Variants in IMMP2L observed in about 807,000 individuals in gnomAD.
The protein encoded by IMMP2L is mitochondrial inner membrane protease subunit 2.
A neutral mutation model predicts 19.3 loss-of-function variants in IMMP2L; 18 were observed. That is an observed-to-expected ratio of 0.93 (90% CI 0.64 to 1.38). IMMP2L has a LOEUF of 1.38. IMMP2L is among the 40% of genes most tolerant of loss of function. The pLI, the probability that IMMP2L is intolerant of heterozygous loss-of-function variation, is 0.00. For synonymous variants in IMMP2L, 76 were observed against 73.0 expected, an observed-to-expected ratio of 1.04 and a Z score of -0.21; for missense variants, 233 against 218.2, an observed-to-expected ratio of 1.07 and a Z score of -0.43.
chr7:111,182,526 T>C (rs1807819132), intron 3 of IMMP2L, among the ~76,000 whole-genome samples: 1 of 151,850 alleles, frequency 6.6e-6, no homozygotes, highest in South Asian at 2.1e-4. Flanking sequence ...TCTCAGTTTA[T>C]TTATCAACTG....
chr7:110,767,035 G>A (rs757446401), intron 5 of IMMP2L, among the ~76,000 whole-genome samples: 15 of 152,088 alleles, frequency 9.9e-5, no homozygotes, highest in South Asian at 6.2e-4. Flanking sequence ...TAATGATTAC[G>A]TGGAAGCATT....
At chr7:110,736,276 ACACC>A (rs1796629662) in intron 5 of IMMP2L, among the ~76,000 whole-genome samples, 1 of 152,190 alleles carries the variant, frequency 6.6e-6, no homozygotes, top group South Asian at 2.1e-4. Flanking sequence ...TAGTAAGGTA[ACACC>A]CAGCAGATCC....
intron 5 of IMMP2L, among the ~76,000 whole-genome samples, chr7:110,706,101 A>T (rs1185375878): frequency 1.3e-5 from 2 of 152,044 alleles, no homozygotes; most frequent in Non-Finnish European, 1.5e-5. Context: ...TACTGGGTCA[A>T]ATGGTAGTAC....
chr7:110,952,424 G>GGGTT, intron 4 of IMMP2L, among the ~76,000 whole-genome samples: 1 of 152,206 alleles, frequency 6.6e-6, no homozygotes, highest in African/African-American at 2.4e-5. Flanking sequence ...GGGCATAAGT[G>GGGTT]GGTTAATACA....
chr7:111,210,806 G>C (rs1811228200), intron 3 of IMMP2L, among the ~76,000 whole-genome samples: 1 of 152,040 alleles, frequency 6.6e-6, no homozygotes, highest in Admixed American at 6.6e-5. Flanking sequence ...CTTTTTCTGA[G>C]AGTGAGAACT....
intron 4 of IMMP2L, among the ~76,000 whole-genome samples, chr7:110,896,142 C>A (rs1344685946): frequency 1.3e-5 from 2 of 151,998 alleles, no homozygotes; most frequent in African/African-American, 4.8e-5. Context: ...AAAGTAATGA[C>A]AAAAACCACA....
At chr7:111,264,717 G>A (rs957959027) in intron 3 of IMMP2L, among the ~76,000 whole-genome samples, 1 of 150,998 alleles carries the variant, frequency 6.6e-6, no homozygotes, top group Non-Finnish European at 1.5e-5. Context: ...CTACCTTAAT[G>A]CCAGGGATAC....
At chr7:111,339,114 T>C (rs1167260012) in intron 3 of IMMP2L, among the ~76,000 whole-genome samples, 1 of 152,108 alleles carries the variant, frequency 6.6e-6, no homozygotes, top group Non-Finnish European at 1.5e-5. Flanking sequence ...GTTATTACTT[T>C]CAGGAAACAG....
At chr7:111,225,801 C>T (rs1219171915) in intron 3 of IMMP2L, among the ~76,000 whole-genome samples, 1 of 151,212 alleles carries the variant, frequency 6.6e-6, no homozygotes, top group Non-Finnish European at 1.5e-5. Context: ...CATTACAATA[C>T]ATATTCTGAC....
At chr7:111,402,545 T>G (rs973045489) in intron 3 of IMMP2L, among the ~76,000 whole-genome samples, 1 of 151,952 alleles carries the variant, frequency 6.6e-6, no homozygotes, top group African/African-American at 2.4e-5. Flanking sequence ...ACCCCGTCTC[T>G]AATAAAAATA....
chr7:110,938,199 CAAT>C (rs1816330645), intron 4 of IMMP2L, among the ~76,000 whole-genome samples: 1 of 152,060 alleles, frequency 6.6e-6, no homozygotes, highest in South Asian at 2.1e-4. Flanking sequence ...TCAGGGTTAT[CAAT>C]AAATGATTCA....
chr7:110,733,297 C>A (rs1469928373), intron 5 of IMMP2L, among the ~76,000 whole-genome samples: 1 of 152,138 alleles, frequency 6.6e-6, no homozygotes, highest in African/African-American at 2.4e-5. Context: ...TCAGTTATCA[C>A]ATGTAGAATT....
intron 4 of IMMP2L, among the ~76,000 whole-genome samples, chr7:110,890,669 T>C (rs9656177): frequency 0.44 from 66,562 of 151,890 alleles, 15,372 homozygotes; most frequent in East Asian, 0.79. Context: ...GCCTACAAGG[T>C]TGTATGTATC....
intron 3 of IMMP2L, among the ~76,000 whole-genome samples, chr7:111,195,437 GAT>G (rs1194557814): frequency 2.0e-5 from 3 of 146,916 alleles, no homozygotes; most frequent in Non-Finnish European, 4.4e-5. Flanking sequence ...ATAAAAAAGA[GAT>G]AGACTGGAAG....
chr7:111,015,680 C>T (rs563160071), intron 3 of IMMP2L, among the ~76,000 whole-genome samples: 13 of 152,004 alleles, frequency 8.6e-5, no homozygotes, highest in East Asian at 7.7e-4. Context: ...AGGAAACTGG[C>T]GGTAAATGGA....
intron 4 of IMMP2L, among the ~76,000 whole-genome samples, chr7:110,957,842 A>G (rs1307939606): frequency 1.3e-5 from 2 of 151,730 alleles, no homozygotes; most frequent in African/African-American, 4.8e-5. Context: ...ACAGCCCCAG[A>G]CCCTTACCAT....
intron 4 of IMMP2L, among the ~76,000 whole-genome samples, chr7:110,889,108 GGACAA>G (rs1226412255): frequency 6.6e-6 from 1 of 152,076 alleles, no homozygotes; most frequent in African/African-American, 2.4e-5. Flanking sequence ...CTTTAAAGTG[GGACAA>G]GACATACCCT....
chr7:111,114,496 G>A (rs1218308215), intron 3 of IMMP2L, among the ~76,000 whole-genome samples: 1 of 152,168 alleles, frequency 6.6e-6, no homozygotes, highest in African/African-American at 2.4e-5. Context: ...CCAGCACTTT[G>A]TGAGTTCAAG....
chr7:111,402,604 G>T (rs1480006412), intron 3 of IMMP2L, among the ~76,000 whole-genome samples: 1 of 151,894 alleles, frequency 6.6e-6, no homozygotes, highest in Non-Finnish European at 1.5e-5. Context: ...CCAGCTACTC[G>T]AGAGGCTAAG....
Sources: allele counts gnomAD v4.1 joint callset (sites outside exome capture counted in the v4.1 genomes callset), GRCh38; gene constraint gnomAD v4.1.1; transcripts MANE v1.5; gene names NCBI Gene and HGNC (gene_info 2026-07-23, HGNC 2026-07-21).